EPHA5: variants seen among roughly 807,000 people sequenced by gnomAD.
EPHA5 encodes the protein ephrin type-A receptor 5.
Under a neutral mutation model 105.0 loss-of-function variants are expected in EPHA5, and 60 were observed. That is an observed-to-expected ratio of 0.57 (90% CI 0.46 to 0.71). The LOEUF is 0.71. EPHA5 is among the 30% of genes least tolerant of loss of function. EPHA5 has a pLI of 0.00. For missense variants in EPHA5, 1,218 were observed against 1,274.7 expected (o/e 0.96, Z 0.68); for synonymous variants, 513 against 449.1 (o/e 1.14, Z -1.80).
At chr4:65,573,898 C>T in intron 3 of EPHA5, 2 of 1,611,494 alleles carry the variant, frequency 1.2e-6, no homozygotes, top group Admixed American at 1.7e-5. Context: ...AGCATTACCC[C>T]CGGGACCATT....
chr4:65,562,074 T>C (rs1739068470), intron 3 of EPHA5, among the ~76,000 whole-genome samples: 1 of 152,058 alleles, frequency 6.6e-6, no homozygotes, highest in Non-Finnish European at 1.5e-5. Flanking sequence ...TTGATTCTTC[T>C]GATTATTTTG....
intron 3 of EPHA5, among the ~76,000 whole-genome samples, chr4:65,578,497 A>C (rs1425771628): frequency 1.3e-5 from 2 of 152,170 alleles, no homozygotes; most frequent in Non-Finnish European, 2.9e-5. Flanking sequence ...CTCCAACTGC[A>C]CATGCTCTAA....
chr4:65,352,790 T>TG (rs893177937), intron 12 of EPHA5, among the ~76,000 whole-genome samples: 7 of 151,696 alleles, frequency 4.6e-5, no homozygotes, highest in African/African-American at 1.7e-4. Context: ...TCTCTGCATT[T>TG]TTTTTTTCAA....
At position 65,601,669 on chromosome 4, in the gene EPHA5, T is replaced by A. The variant is rs746328490; in HGVS notation, c.882A>T (p.Gly294=). 7 of 1,613,964 alleles carry A rather than the reference T, an allele frequency of 4.3e-6. No individual in the cohort carries two copies. The South Asian group carries it at 7.7e-5, about 18-fold the overall frequency. ...GACAGGTGCCATTTTTCTCTTCATA[T>A]CCTGCCTTGCACATGCATTTCCCGA... ...VPIGKCMCKA[G]YEEKNGTCQV... The change falls in exon 3 of 17, where the codon GGA becomes GGT. Residue 294 remains glycine, a synonymous_variant. Transcript: ENST00000613740.
intron 3 of EPHA5, among the ~76,000 whole-genome samples, chr4:65,536,098 T>A (rs138244332): frequency 4.9e-4 from 75 of 152,168 alleles, no homozygotes; most frequent in Non-Finnish European, 3.1e-4. Flanking sequence ...TTTATATTGA[T>A]CAATGTATTA....
At chr4:65,337,639 A>G (rs1296833666) in intron 14 of EPHA5, among the ~76,000 whole-genome samples, 1 of 152,104 alleles carries the variant, frequency 6.6e-6, no homozygotes, top group African/African-American at 2.4e-5. Context: ...CTGAGGGTAG[A>G]AAATGTTGTC....
chr4:65,649,783 T>A (rs553716767), intron 1 of EPHA5, among the ~76,000 whole-genome samples: 1 of 152,216 alleles, frequency 6.6e-6, no homozygotes, highest in African/African-American at 2.4e-5. Flanking sequence ...ATTTGCCTTA[T>A]CTTTTGGCAG....
At chr4:65,533,264 T>C (rs186775846) in intron 3 of EPHA5, among the ~76,000 whole-genome samples, 20 of 152,278 alleles carry the variant, frequency 1.3e-4, no homozygotes, top group Non-Finnish European at 2.6e-4. Flanking sequence ...ATTATACATA[T>C]TGTTTTCCAT....
At chr4:65,481,490 A>T (rs1244763687) in intron 5 of EPHA5, among the ~76,000 whole-genome samples, 15 of 152,228 alleles carry the variant, frequency 9.9e-5, no homozygotes, top group Admixed American at 9.2e-4. Context: ...GCTGTCCAAC[A>T]CATGACTGAG....
chr4:65,326,975 A>G (rs1436995379), intron 16 of EPHA5, among the ~76,000 whole-genome samples: 3 of 151,206 alleles, frequency 2.0e-5, no homozygotes, highest in African/African-American at 7.3e-5. Context: ...CCATATTCCA[A>G]ATCTTGGTTT....
intron 3 of EPHA5, among the ~76,000 whole-genome samples, chr4:65,589,243 G>C (rs1208975381): frequency 7.8e-6 from 1 of 127,730 alleles, no homozygotes; most frequent in African/African-American, 3.3e-5. Context: ...ACTGCTAACA[G>C]ACGTTTTTTT....
At chr4:65,418,238 G>A (rs1723581295) in intron 6 of EPHA5, among the ~76,000 whole-genome samples, 1 of 152,102 alleles carries the variant, frequency 6.6e-6, no homozygotes, top group Admixed American at 6.6e-5. Context: ...ACTCTACATA[G>A]CTTTGCATCA....
At chr4:65,625,428 C>A (rs1746048325) in intron 2 of EPHA5, among the ~76,000 whole-genome samples, 1 of 152,144 alleles carries the variant, frequency 6.6e-6, no homozygotes, top group African/African-American at 2.4e-5. Context: ...CAGATACAAT[C>A]ATACAGTATG....
chr4:65,556,686 C>T (rs1464061708), intron 3 of EPHA5, among the ~76,000 whole-genome samples: 1 of 152,030 alleles, frequency 6.6e-6, no homozygotes, highest in African/African-American at 2.4e-5. Context: ...AGTGTTAATG[C>T]TATTTTCAGC....
In EPHA5 at chr4:65,388,468, C is replaced by A. The variant is rs1346799389; in HGVS notation, c.1793+15906G>T. Among the ~76,000 whole-genome samples the A allele has an allele frequency of 3.3e-5, 5 of 150,284 alleles. No homozygotes were observed. In the South Asian group the frequency reaches 1.1e-3, roughly 32 times the overall value. Reference sequence around the variant, plus strand: ...AAGTGTTCCTATTTCTCCACATCCTCTCCAGCACCTGTTGTTTCCTGACTT... The same window carrying A: ...AAGTGTTCCTATTTCTCCACATCCTATCCAGCACCTGTTGTTTCCTGACTT... On this transcript the variant is annotated intron_variant, in intron 8 of 16. Transcript: ENST00000613740.
In EPHA5 at chr4:65,324,190, A is replaced by G; in HGVS notation, c.2975T>C (p.Val992Ala). 5 of 1,609,520 alleles carry G rather than the reference A, an allele frequency of 3.1e-6. No individual in the cohort carries two copies. Among genetic ancestry groups the G allele is most frequent in the Non-Finnish European group, 4.2e-6 (5 of 1,176,978 alleles). ...EDLRRLGVTL[V>A]GHQKKIMNSL... ...GTTCATGATCTTCTTCTGGTGACCG[A>G]CAAGAGTCACTCCAAGCCGTCTCAA... Residue 992 changes from valine to alanine, a missense_variant, in exon 17 of 17, where the codon GTC becomes GCC. Transcript: ENST00000613740.
intron 3 of EPHA5, among the ~76,000 whole-genome samples, chr4:65,549,962 A>G (rs1215677123): frequency 6.6e-6 from 1 of 152,098 alleles, no homozygotes; most frequent in Non-Finnish European, 1.5e-5. Flanking sequence ...CATTTATAAA[A>G]CTAAATATAT....
At chr4:65,576,842 C>A (rs1346944906) in intron 3 of EPHA5, among the ~76,000 whole-genome samples, 1 of 152,158 alleles carries the variant, frequency 6.6e-6, no homozygotes, top group Non-Finnish European at 1.5e-5. Context: ...GACAGGTGGT[C>A]ATTTGAAGTA....
In EPHA5 at chr4:65,366,156, C is replaced by T. The variant is rs184789148; in HGVS notation, c.1862-99G>A. On this transcript the variant is annotated intron_variant, in intron 9 of 16. Coordinates refer to ENST00000613740, the MANE Select transcript of EPHA5 (RefSeq NM_001281766.3). ...CAAGTATGGCTTAAATCTCTAATTC[C>T]TGGAAGTATTCAAACTGCAAGGACC... 230 of 1,168,356 alleles carry T rather than the reference C, an allele frequency of 2.0e-4. No individual in the cohort carries two copies. In the African/African-American group the frequency reaches 3.2e-3, roughly 16 times the overall value. The allele number at this position is 1,168,356 out of a possible 1,614,324, so 72.4% of individuals were successfully genotyped here.
Sources: gnomAD v4.1 joint callset for allele counts (sites outside exome capture counted in the v4.1 genomes callset) on GRCh38, gnomAD v4.1.1 for gene constraint, MANE v1.5 for transcripts, NCBI Gene and HGNC (gene_info 2026-07-23, HGNC 2026-07-21) for gene names.